ARHGEF10: variants seen among roughly 807,000 people sequenced by gnomAD.
ARHGEF10 encodes the protein Rho guanine nucleotide exchange factor (GEF) 10.
In ARHGEF10, 140 loss-of-function variants were observed where a neutral mutation model predicts 147.4. The observed-to-expected ratio is 0.95, with a 90% CI of 0.83 to 1.09. The LOEUF (loss-of-function observed/expected upper bound fraction) is 1.09. ARHGEF10 is among the 50% of genes least tolerant of loss of function. The pLI is 0.00. For missense variants in ARHGEF10, 2,222 were observed against 1,752.7 expected (o/e 1.27, Z -4.78); for synonymous variants, 902 against 695.8 (o/e 1.30, Z -4.67).
At position 1,909,358 on chromosome 8, in the gene ARHGEF10, G is replaced by A. The variant is rs760190427; in HGVS notation, c.2031G>A (p.Leu677=). 1 of 1,614,248 alleles carries A rather than the reference G, an allele frequency of 6.2e-7. No homozygotes were observed. Among genetic ancestry groups the A allele is most frequent in the Non-Finnish European group, 8.5e-7 (1 of 1,180,046 alleles). ...ACTTGCTGAAGTGGAGCGTTCCACTGGGACATGTGGACGCCATCGAGTATG... is the reference window on the plus strand; with the variant it reads ...ACTTGCTGAAGTGGAGCGTTCCACTAGGACATGTGGACGCCATCGAGTATG... ...QRYLLKWSVP[L]GHVDAIEYGS... is the part of the protein sequence containing the mutation. The change falls in exon 18 of 29, where the codon CTG becomes CTA. Residue 677 remains leucine (L), a synonymous_variant. Transcript: ENST00000349830.
At chr8:1,955,802 C>G (rs1385892338) in intron 28 of ARHGEF10, among the ~76,000 whole-genome samples, 2 of 152,398 alleles carry the variant, frequency 1.3e-5, no homozygotes, top group Middle Eastern at 3.4e-3. Context: ...TGGGCAGAAG[C>G]TCCTTCTGGG....
intron 11 of ARHGEF10, among the ~76,000 whole-genome samples, chr8:1,889,931 CGAGGGTTGTGAGGAGACACTGAGTGGGG>C (rs1809307786): frequency 3.5e-5 from 3 of 85,390 alleles, no homozygotes; most frequent in African/African-American, 1.6e-4. Context: ...GTGAGTGGGG[CGAGGGTTGTGAGGAGACACTGAGTGGGG>C]GAGGGGTATG....
chr8:1,901,144 G>A (rs557691371), intron 15 of ARHGEF10, among the ~76,000 whole-genome samples: 59 of 152,212 alleles, frequency 3.9e-4, no homozygotes, highest in African/African-American at 1.3e-3. Flanking sequence ...CCTCAGGTGT[G>A]GGTACTCAGG....
intron 24 of ARHGEF10, 75 bp from the exon 25 acceptor site, chr8:1,929,211 G>T: frequency 6.7e-7 from 1 of 1,498,098 alleles, no homozygotes; most frequent in East Asian, 2.3e-5. Flanking sequence ...AAATGTTTGT[G>T]TTTATGTTAA....
At chr8:1,910,035 A>G (rs964890994) in intron 18 of ARHGEF10, among the ~76,000 whole-genome samples, 73 of 152,194 alleles carry the variant, frequency 4.8e-4, no homozygotes, top group Middle Eastern at 3.4e-3. Flanking sequence ...ATTACCTAAC[A>G]TTGTTCAGAC....
At chr8:1,826,265 T>C in intron 1 of ARHGEF10, 1 of 839,772 alleles carries the variant, frequency 1.2e-6, no homozygotes, top group South Asian at 1.5e-5. Flanking sequence ...GACTTCCAGA[T>C]GTAACCACAT....
At position 1,897,458 on chromosome 8, in the gene ARHGEF10, T is replaced by C. The variant is rs112349145; in HGVS notation, c.1558-975T>C. Among the ~76,000 whole-genome samples, 444 of 113,990 alleles carry C rather than the reference T, an allele frequency of 3.9e-3. 1 individual carries two copies. The highest frequency in any genetic ancestry group is 0.012 in the South Asian group (38 of 3,142). 74.8% of individuals were successfully genotyped at this position (113,990 alleles called of 152,430 possible). ...GGATCGCAGTTCCCACTCTCGACAGTTGTGGGCTCTGTCCTAAGGGATCGG... is the reference window on the plus strand; with the variant it reads ...GGATCGCAGTTCCCACTCTCGACAGCTGTGGGCTCTGTCCTAAGGGATCGG... On this transcript the variant is annotated intron_variant, in intron 14 of 28. Transcript: ENST00000349830.
At chr8:1,844,341 G>A (rs557420840) in intron 2 of ARHGEF10, among the ~76,000 whole-genome samples, 2 of 152,194 alleles carry the variant, frequency 1.3e-5, no homozygotes, top group African/African-American at 2.4e-5. Context: ...GTCAGTCACC[G>A]GGGCCTGGTA....
intron 7 of ARHGEF10, among the ~76,000 whole-genome samples, chr8:1,872,982 T>A (rs1473086365): frequency 6.6e-6 from 1 of 152,228 alleles, no homozygotes; most frequent in Non-Finnish European, 1.5e-5. Context: ...TGGGGTAATT[T>A]ATCCGGTCGC....
At chr8:1,901,727 C>A (rs944929192) in intron 15 of ARHGEF10, among the ~76,000 whole-genome samples, 2 of 152,210 alleles carry the variant, frequency 1.3e-5, no homozygotes, top group Admixed American at 1.3e-4. Flanking sequence ...GTCCCCGGTG[C>A]CACCACCAGT....
At chr8:1,839,060 C>G (rs1803764378) in intron 1 of ARHGEF10, among the ~76,000 whole-genome samples, 1 of 151,666 alleles carries the variant, frequency 6.6e-6, no homozygotes, top group African/African-American at 2.4e-5. Context: ...TGGAAGCTGT[C>G]CGATATGGGG....
intron 26 of ARHGEF10, among the ~76,000 whole-genome samples, chr8:1,938,865 T>G (rs1395845113): frequency 1.3e-5 from 2 of 151,734 alleles, no homozygotes; most frequent in East Asian, 1.9e-4. Flanking sequence ...ATCTGAACAC[T>G]GTGGAATCTC....
intron 26 of ARHGEF10, among the ~76,000 whole-genome samples, chr8:1,941,862 T>TCAACAGGTGCTGCTGGCA (rs549904280): frequency 2.0e-5 from 3 of 152,178 alleles, no homozygotes; most frequent in East Asian, 1.9e-4. Context: ...AATGGCCTCT[T>TCAACAGGTGCTGCTGGCA]CAACAGGTGC....
chr8:1,843,073 A>T (rs189626006), intron 1 of ARHGEF10, among the ~76,000 whole-genome samples: 3 of 152,348 alleles, frequency 2.0e-5, no homozygotes, highest in African/African-American at 7.2e-5. Flanking sequence ...TCATTTTGGG[A>T]GGGCCTGGCT....
At chr8:1,918,136 G>C (rs1011778312) in intron 18 of ARHGEF10, among the ~76,000 whole-genome samples, 31 of 152,272 alleles carry the variant, frequency 2.0e-4, no homozygotes, top group Middle Eastern at 3.4e-3. Flanking sequence ...ACATGAAACA[G>C]TTTTTCTGAA....
chr8:1,940,191 T>C (rs1341189866), intron 26 of ARHGEF10, among the ~76,000 whole-genome samples: 1 of 152,214 alleles, frequency 6.6e-6, no homozygotes, highest in Non-Finnish European at 1.5e-5. Flanking sequence ...ACCAGAGTTC[T>C]GTCATACGCC....
chr8:1,901,888 T>C (rs1192483985), intron 15 of ARHGEF10, among the ~76,000 whole-genome samples: 1 of 152,248 alleles, frequency 6.6e-6, no homozygotes, highest in African/African-American at 2.4e-5. Flanking sequence ...CTTTCCAGAT[T>C]TTAAAAAAAG....
intron 1 of ARHGEF10, among the ~76,000 whole-genome samples, chr8:1,827,199 C>G (rs1218538321): frequency 1.3e-5 from 2 of 152,248 alleles, no homozygotes; most frequent in Non-Finnish European, 2.9e-5. Flanking sequence ...CACACTTCTG[C>G]CACATCTGCC....
intron 14 of ARHGEF10, among the ~76,000 whole-genome samples, chr8:1,897,013 A>T (rs1323714209): frequency 6.6e-6 from 1 of 152,190 alleles, no homozygotes; most frequent in Admixed American, 6.5e-5. Context: ...CAGTCGTGGG[A>T]TGCGTGTCCG....
Sources: allele counts gnomAD v4.1 joint callset (sites outside exome capture counted in the v4.1 genomes callset), GRCh38; gene constraint gnomAD v4.1.1; transcripts MANE v1.5; gene names NCBI Gene and HGNC (gene_info 2026-07-23, HGNC 2026-07-21).